CRACDL: variants seen among roughly 807,000 people sequenced by gnomAD.
CRACDL encodes CRACD-like protein.
A neutral mutation model predicts 70.6 loss-of-function variants in CRACDL; 26 were observed. The observed-to-expected ratio is 0.37, with a 90% CI of 0.27 to 0.51. The LOEUF (loss-of-function observed/expected upper bound fraction) is 0.51. CRACDL is among the 20% of genes least tolerant of loss of function. CRACDL has a pLI of 0.94. For synonymous variants in CRACDL, 618 were observed against 615.2 expected, an observed-to-expected ratio of 1.00 and a Z score of -0.07; for missense variants, 1,283 against 1,376.9, an observed-to-expected ratio of 0.93 and a Z score of 1.08.
intron 1 of CRACDL, among the ~76,000 whole-genome samples, chr2:98,931,168 T>C (rs917747921): frequency 3.3e-5 from 5 of 151,934 alleles, no homozygotes; most frequent in African/African-American, 1.2e-4. Flanking sequence ...CTACTAAAAA[T>C]ACAAAAATTT....
chr2:98,890,480 C>G (rs574998669), intron 1 of CRACDL, among the ~76,000 whole-genome samples: 3 of 152,066 alleles, frequency 2.0e-5, no homozygotes, highest in African/African-American at 7.2e-5. Context: ...CCAAAACAAC[C>G]GAAGAGATTG....
At chr2:98,880,239 C>T (rs1029893963) in intron 1 of CRACDL, among the ~76,000 whole-genome samples, 3 of 152,246 alleles carry the variant, frequency 2.0e-5, no homozygotes, top group Middle Eastern at 3.4e-3. Context: ...GGAAGAGTGA[C>T]CAGAGGAGGA....
chr2:98,888,856 G>A (rs572532897), intron 1 of CRACDL, among the ~76,000 whole-genome samples: 6 of 152,130 alleles, frequency 3.9e-5, no homozygotes, highest in Non-Finnish European at 7.4e-5. Context: ...CAAGCCGGGC[G>A]CAGTGGCTCA....
intron 1 of CRACDL, among the ~76,000 whole-genome samples, chr2:98,907,394 A>G (rs1348463623): frequency 2.0e-5 from 3 of 152,132 alleles, no homozygotes; most frequent in Non-Finnish European, 4.4e-5. Context: ...CCTCCCCACA[A>G]TGTCCTGGCC....
chr2:98,830,389 T>G (rs576364987), intron 5 of CRACDL, among the ~76,000 whole-genome samples: 2 of 152,322 alleles, frequency 1.3e-5, no homozygotes, highest in South Asian at 2.1e-4. Context: ...TGTGGGTCAG[T>G]GTAAGGTATA....
intron 7 of CRACDL, among the ~76,000 whole-genome samples, chr2:98,806,185 A>G (rs1248299924): frequency 6.6e-6 from 1 of 152,188 alleles, no homozygotes; most frequent in African/African-American, 2.4e-5. Context: ...GTTTTTCCCA[A>G]ATGGGGCCCT....
At chr2:98,826,908 G>GA (rs1284794897) in intron 6 of CRACDL, 67 bp downstream of exon 6, 6 of 1,265,158 alleles carry the variant, frequency 4.7e-6, no homozygotes, top group African/African-American at 3.2e-5. Context: ...AGGCAGGTTG[G>GA]GGGGGGGCAT....
chr2:98,877,704 G>A (rs530096512), intron 1 of CRACDL, among the ~76,000 whole-genome samples: 22 of 152,004 alleles, frequency 1.4e-4, no homozygotes, highest in East Asian at 9.7e-4. Flanking sequence ...AGCTGAGGTC[G>A]CGCCACTGCA....
chr2:98,810,924 C>T (rs148509096), intron 7 of CRACDL, among the ~76,000 whole-genome samples: 2 of 150,880 alleles, frequency 1.3e-5, no homozygotes, highest in Non-Finnish European at 2.9e-5. Context: ...AGAACACATA[C>T]AGTGTAACCC....
chr2:98,814,246 G>A (rs1483382095), intron 7 of CRACDL, among the ~76,000 whole-genome samples: 1 of 151,840 alleles, frequency 6.6e-6, no homozygotes, highest in African/African-American at 2.4e-5. Context: ...CCTTAAAGTG[G>A]AAGCTTAAAT....
chr2:98,917,199 C>T (rs145003305), intron 1 of CRACDL, among the ~76,000 whole-genome samples: 31 of 152,314 alleles, frequency 2.0e-4, no homozygotes, highest in East Asian at 9.6e-4. Flanking sequence ...CACTGCACTC[C>T]GGCAGACGAA....
Position 98,794,560 on chromosome 2 carries a change from C to T in CRACDL, c.2861G>A (p.Trp954Ter). 6.2e-7 allele frequency: 1 copy of T among 1,614,038 alleles called. No individual in the cohort carries two copies. Among genetic ancestry groups the T allele is most frequent in the Non-Finnish European group, 8.5e-7 (1 of 1,179,932 alleles). ...MELARKKSQA[W>*]SDMPQIIK ...TTTTATAATCTGGGGCATGTCACTC[C>T]AAGCTTGAGATTTCTTTCTGGCAAG... Residue 954 changes from tryptophan to a stop codon, truncating the protein, a stop_gained, in exon 10 of 10, where the codon TGG becomes TAG. Coordinates refer to ENST00000397899, the MANE Select transcript of CRACDL (RefSeq NM_207362.3). LOFTEE classifies it high-confidence loss of function.
chr2:98,844,968 C>A (rs1198148339), intron 2 of CRACDL, among the ~76,000 whole-genome samples: 2 of 152,194 alleles, frequency 1.3e-5, no homozygotes, highest in Non-Finnish European at 2.9e-5. Flanking sequence ...CTAGTTCACA[C>A]CTACTCAGAT....
intron 1 of CRACDL, among the ~76,000 whole-genome samples, chr2:98,915,968 C>G (rs567652576): frequency 6.6e-6 from 1 of 152,298 alleles, no homozygotes; most frequent in Admixed American, 6.5e-5. Context: ...GCTGGCCGGG[C>G]CATTGCCCTC....
chr2:98,835,328 A>G (rs1017166938), intron 3 of CRACDL, among the ~76,000 whole-genome samples: 3 of 152,238 alleles, frequency 2.0e-5, no homozygotes, highest in Admixed American at 6.5e-5. Context: ...GGTCTTTAAA[A>G]GCCATTTCAC....
chr2:98,839,979 T>C (rs772315056), intron 2 of CRACDL, among the ~76,000 whole-genome samples: 2 of 152,156 alleles, frequency 1.3e-5, no homozygotes, highest in African/African-American at 4.8e-5. Context: ...TGTTAATTCT[T>C]TCAGTTGAAT....
At chr2:98,922,934 C>A (rs1027829756) in intron 1 of CRACDL, among the ~76,000 whole-genome samples, 10 of 152,178 alleles carry the variant, frequency 6.6e-5, no homozygotes, top group African/African-American at 2.2e-4. Flanking sequence ...AACTGAGCAG[C>A]AATTCACTAA....
intron 1 of CRACDL, among the ~76,000 whole-genome samples, chr2:98,921,248 A>G (rs1293585587): frequency 1.3e-5 from 2 of 152,204 alleles, no homozygotes; most frequent in Non-Finnish European, 2.9e-5. Flanking sequence ...TAAGCCCCAG[A>G]AGGTCCCACC....
chr2:98,821,727 TTC>T, intron 7 of CRACDL, 128 bp downstream of exon 7: 1 of 1,225,096 alleles, frequency 8.2e-7, no homozygotes, highest in Non-Finnish European at 1.1e-6. Flanking sequence ...TTAGTGGGAA[TTC>T]TGACTCCTTC....
Sources: gnomAD v4.1 joint callset for allele counts (sites outside exome capture counted in the v4.1 genomes callset) on GRCh38, gnomAD v4.1.1 for gene constraint, MANE v1.5 for transcripts, NCBI Gene and HGNC (gene_info 2026-07-23, HGNC 2026-07-21) for gene names.